The following ACSF3 variants were observed in gnomAD, a reference collection of about 807,000 sequenced individuals.
The protein encoded by ACSF3 is acyl-CoA synthetase family member 3.
A neutral mutation model predicts 53.2 loss-of-function variants in ACSF3; 78 were observed. The ratio of observed to expected loss-of-function variants is 1.47; its 90% CI spans 1.22 to 1.77. ACSF3 has a LOEUF of 1.77. ACSF3 is among the 40% of genes most tolerant of loss of function. ACSF3 has a pLI of 0.00. For synonymous variants in ACSF3, 414 were observed against 333.1 expected (o/e 1.24, Z -2.65); for missense variants, 937 against 771.1 (o/e 1.22, Z -2.55).
intron 10 of ACSF3, chr16:89,150,995 A>T (rs1434938661): frequency 7.8e-7 from 1 of 1,284,912 alleles, no homozygotes; most frequent in South Asian, 1.2e-5. Context: ...TTCACAGTCA[A>T]ATTTCCCCAA....
chr16:89,114,918 G>T, intron 6 of ACSF3: 1 of 333,802 alleles, frequency 3.0e-6, no homozygotes, highest in South Asian at 2.4e-5. Flanking sequence ...GGGTGTGGTG[G>T]GCAGGGTGGG....
intron 6 of ACSF3, chr16:89,114,952 T>C (rs1904832527): frequency 7.4e-6 from 2 of 271,908 alleles, no homozygotes; most frequent in Admixed American, 9.6e-5. Flanking sequence ...CTGTCTTCCT[T>C]CTCTAGATGT....
chr16:89,136,708 G>A lies in ACSF3; in HGVS notation c.1366+3446G>A, dbSNP rs767696230. 1.2e-3 allele frequency: 1,520 copies of A among 1,287,244 alleles called. 1 individual carries two copies. The highest frequency in any genetic ancestry group is 2.3e-3 in the Admixed American group (100 of 43,566). 79.7% of individuals were successfully genotyped at this position (1,287,244 alleles called of 1,614,324 possible). ...GAGGTTGCCAGCTTTGATGCCAGCC[G>A]CTCCTGCCTCCCCCACCTGCCTCTG... On this transcript the variant is annotated intron_variant, in intron 8 of 10. Coordinates refer to ENST00000614302, the MANE Select transcript of ACSF3 (RefSeq NM_001243279.3).
At chr16:89,113,709 A>G in intron 5 of ACSF3, 1 of 174,796 alleles carries the variant, frequency 5.7e-6, no homozygotes, top group Non-Finnish European at 1.2e-5. Context: ...GGCTGCGGGA[A>G]ATGCTGTGTG....
At chr16:89,151,074 A>T in intron 10 of ACSF3, 1 of 1,287,466 alleles carries the variant, frequency 7.8e-7, no homozygotes, top group Admixed American at 2.3e-5. Context: ...CATTCTAAAT[A>T]TCGGAAGGAA....
At chr16:89,124,615 A>T (rs1567717316) in intron 7 of ACSF3, among the ~76,000 whole-genome samples, 1 of 151,326 alleles carries the variant, frequency 6.6e-6, no homozygotes, top group Non-Finnish European at 1.5e-5. Flanking sequence ...CACTGCGTGT[A>T]TGTGTGTGAT....
At chr16:89,146,468 G>A (rs548129358) in intron 10 of ACSF3, among the ~76,000 whole-genome samples, 490 of 152,286 alleles carry the variant, frequency 3.2e-3, no homozygotes, top group Middle Eastern at 6.8e-3. Flanking sequence ...CTGTCCACCT[G>A]CCGCCCCAAA....
At chr16:89,131,909 G>A (rs1909403119) in intron 7 of ACSF3, among the ~76,000 whole-genome samples, 1 of 152,286 alleles carries the variant, frequency 6.6e-6, no homozygotes, top group Non-Finnish European at 1.5e-5. Context: ...ACCATGTGGG[G>A]CAGGTGTTTC....
intron 2 of ACSF3, 97 bp downstream of exon 2, chr16:89,098,860 G>A: frequency 2.2e-6 from 1 of 445,904 alleles, no homozygotes; most frequent in Non-Finnish European, 4.5e-6. Flanking sequence ...AAAATGCTGA[G>A]ATGAAACCTA....
chr16:89,154,313 C>A lies in ACSF3; in HGVS notation c.*106C>A. 9.5e-7 allele frequency: 1 copy of A among 1,055,108 alleles called. No homozygotes were observed. Among genetic ancestry groups the A allele is most frequent in the South Asian group, 1.3e-5 (1 of 75,918 alleles). The allele number at this position is 1,055,108 out of a possible 1,614,324, so 65.4% of individuals were successfully genotyped here. ...ACCTGGCCTCCCTTAAACCTGAACCCCCCAAATCAGGTCACGTAGAATCAA... is the reference window on the plus strand; with the variant it reads ...ACCTGGCCTCCCTTAAACCTGAACCACCCAAATCAGGTCACGTAGAATCAA... On this transcript the variant is annotated 3_prime_UTR_variant, in exon 11 of 11. Transcript: ENST00000614302.
chr16:89,114,534 G>A (rs755624976), intron 6 of ACSF3, 47 bp downstream of exon 6: 4 of 1,603,056 alleles, frequency 2.5e-6, no homozygotes, highest in Admixed American at 3.3e-5. Context: ...TGTGCTCTGA[G>A]CCCCCCAAGG....
Position 89,155,176 on chromosome 16 carries a change from C to A in ACSF3, c.*969C>A, listed in dbSNP as rs1380627921. The A allele has an allele frequency of 2.2e-6, 1 of 454,054 alleles. No individual in the cohort carries two copies. The highest frequency in any genetic ancestry group is 2.0e-5 in the African/African-American group (1 of 50,000). The allele number at this position is 454,054 out of a possible 1,614,324, so 28.1% of individuals were successfully genotyped here. A position where few individuals can be genotyped will look rare whatever the true frequency, so the allele number is the denominator to read the frequency against. On this transcript the variant is annotated 3_prime_UTR_variant, in exon 11 of 11. Transcript: ENST00000614302. The stretch of plus-strand genomic sequence containing the variant: ...GGCCACATGCAGAATCCAGAAGTTT[C>A]TGGACAATTTTCAGAAGAATAGGCT...
chr16:89,102,909 T>C (rs1255079976), intron 4 of ACSF3, 150 bp downstream of exon 4: 2 of 1,112,346 alleles, frequency 1.8e-6, no homozygotes, highest in Non-Finnish European at 2.6e-6. Context: ...AGGCATCTTT[T>C]CCTGGTGTGC....
intron 10 of ACSF3, among the ~76,000 whole-genome samples, chr16:89,147,123 C>CAGGAGGG (rs1913105826): frequency 6.8e-6 from 1 of 146,192 alleles, no homozygotes; most frequent in African/African-American, 2.5e-5. Context: ...ATGGCCGGAG[C>CAGGAGGG]AGGAGGGAGG....
intron 8 of ACSF3, among the ~76,000 whole-genome samples, chr16:89,141,926 A>C (rs12325574): frequency 1.3e-5 from 2 of 152,006 alleles, no homozygotes; most frequent in African/African-American, 4.8e-5. Flanking sequence ...ACAGGCGTCC[A>C]TCACAGAGAC....
In ACSF3 at chr16:89,126,029, T is replaced by G. The variant is rs548377500; in HGVS notation, c.1239+5116T>G. Among the ~76,000 whole-genome samples, 8 of 152,376 alleles carry G rather than the reference T, an allele frequency of 5.3e-5. No homozygotes were observed. The East Asian group carries it at 9.6e-4, about 18-fold the overall frequency. On this transcript the variant is annotated intron_variant, in intron 7 of 10. Transcript: ENST00000614302. ...TAGATCCGTGAACACGGTATGTTTC[T>G]CCATTTACATAGATCTGTGAACACG...
rs144891826 is a variant in ACSF3, at chr16:89,106,139, G to C, written c.822+3380G>C. ...CGAGAGTGTCTACCCTGGGGTCTCT[G>C]CCTGGGGATCTGCTGTCATCTTCCA... On this transcript the variant is annotated intron_variant, in intron 4 of 10. Coordinates refer to ENST00000614302, the MANE Select transcript of ACSF3 (RefSeq NM_001243279.3). Among the ~76,000 whole-genome samples, 942 of 152,316 alleles carry C rather than the reference G, an allele frequency of 6.2e-3. 9 individuals carry two copies. Among genetic ancestry groups the C allele is most frequent in the African/African-American group, 0.021 (890 of 41,554 alleles).
intron 1 of ACSF3, among the ~76,000 whole-genome samples, chr16:89,096,670 C>G (rs1283902148): frequency 2.0e-5 from 3 of 152,208 alleles, no homozygotes; most frequent in African/African-American, 7.2e-5. Context: ...AGCAATGTGA[C>G]TTCCCGGCAT....
intron 1 of ACSF3, chr16:89,095,094 C>A (rs1974453756): frequency 6.6e-6 from 1 of 152,262 alleles, no homozygotes; most frequent in East Asian, 1.9e-4. Flanking sequence ...AGGGGGTTCA[C>A]ATGGTGGACC....
Sources: allele counts gnomAD v4.1 joint callset (sites outside exome capture counted in the v4.1 genomes callset), GRCh38; gene constraint gnomAD v4.1.1; transcripts MANE v1.5; gene names NCBI Gene and HGNC (gene_info 2026-07-23, HGNC 2026-07-21).